The following PCDH9 variants were observed in gnomAD, a reference collection of about 807,000 sequenced individuals.
The protein encoded by PCDH9 is protocadherin-9.
Under a neutral mutation model 70.6 loss-of-function variants are expected in PCDH9, and 24 were observed. The ratio of observed to expected loss-of-function variants is 0.34; its 90% CI spans 0.25 to 0.48. The LOEUF is 0.48. PCDH9 is among the 20% of genes least tolerant of loss of function. The pLI is 0.99. For missense variants in PCDH9, 1,281 were observed against 1,503.6 expected (o/e 0.85, Z 2.45); for synonymous variants, 562 against 558.5 (o/e 1.01, Z -0.09).
intron 4 of PCDH9, among the ~76,000 whole-genome samples, chr13:66,540,965 T>C (rs886340857): frequency 5.3e-5 from 8 of 152,298 alleles, no homozygotes; most frequent in African/African-American, 9.6e-5. Flanking sequence ...GTTAACTTAT[T>C]GAACTTCACA....
chr13:66,801,042 AT>A (rs2080318955), intron 3 of PCDH9, among the ~76,000 whole-genome samples: 1 of 145,200 alleles, frequency 6.9e-6, no homozygotes, highest in Non-Finnish European at 1.5e-5. Flanking sequence ...CACAGCAAAT[AT>A]ATTGTTCTTA....
chr13:66,343,947 C>T (rs898067935), intron 4 of PCDH9, among the ~76,000 whole-genome samples: 1 of 152,146 alleles, frequency 6.6e-6, no homozygotes. Flanking sequence ...AGCTCTCACT[C>T]ATAATCTTTA....
intron 4 of PCDH9, among the ~76,000 whole-genome samples, chr13:66,576,543 T>C (rs2076817548): frequency 6.6e-6 from 1 of 152,084 alleles, no homozygotes. Context: ...AGCCAATGCT[T>C]CTTTTTTATT....
intron 4 of PCDH9, among the ~76,000 whole-genome samples, chr13:66,308,104 T>TA (rs1255871300): frequency 6.6e-6 from 1 of 152,046 alleles, no homozygotes; most frequent in Admixed American, 6.6e-5. Flanking sequence ...GAGAGGGAAG[T>TA]AAAAGGTGTC....
intron 4 of PCDH9, among the ~76,000 whole-genome samples, chr13:66,344,110 T>C (rs1593833067): frequency 1.3e-5 from 2 of 152,240 alleles, no homozygotes. Flanking sequence ...AAATATTGCA[T>C]ACTAATGAAA....
intron 4 of PCDH9, among the ~76,000 whole-genome samples, chr13:66,411,224 C>T (rs78190237): frequency 0.078 from 11,820 of 152,196 alleles, 540 homozygotes; most frequent in Middle Eastern, 0.11. Context: ...CACTTCTTTA[C>T]GCAGTGGCTT....
intron 2 of PCDH9, among the ~76,000 whole-genome samples, chr13:67,120,116 CT>C (rs1330115715): frequency 1.3e-5 from 2 of 151,094 alleles, no homozygotes; most frequent in African/African-American, 4.9e-5. Context: ...TTTCCCAAGC[CT>C]ATGTATGTTT....
At chr13:66,341,453 A>C (rs901947260) in intron 4 of PCDH9, among the ~76,000 whole-genome samples, 1 of 152,124 alleles carries the variant, frequency 6.6e-6, no homozygotes, top group Admixed American at 6.6e-5. Flanking sequence ...GGCTATGCAA[A>C]CTGTGCCACA....
At chr13:66,568,521 A>AT (rs2076684860) in intron 4 of PCDH9, among the ~76,000 whole-genome samples, 1 of 151,582 alleles carries the variant, frequency 6.6e-6, no homozygotes, top group African/African-American at 2.4e-5. Flanking sequence ...ACAAAAAAAA[A>AT]AAAAAGAAAG....
intron 3 of PCDH9, among the ~76,000 whole-genome samples, chr13:66,760,564 A>G (rs2079608836): frequency 6.6e-6 from 1 of 152,176 alleles, no homozygotes; most frequent in Non-Finnish European, 1.5e-5. Flanking sequence ...GGACCCTGTG[A>G]TGATTGTTAT....
intron 3 of PCDH9, among the ~76,000 whole-genome samples, chr13:66,831,044 T>C (rs61959203): frequency 0.093 from 14,147 of 152,230 alleles, 996 homozygotes; most frequent in East Asian, 0.32. Context: ...GTTTATATCA[T>C]AGCTTGTTAC....
intron 3 of PCDH9, among the ~76,000 whole-genome samples, chr13:66,758,609 T>A (rs1321388834): frequency 6.6e-6 from 1 of 152,016 alleles, no homozygotes; most frequent in Non-Finnish European, 1.5e-5. Flanking sequence ...TTGTCTGGTT[T>A]TAATATTAGA....
intron 3 of PCDH9, among the ~76,000 whole-genome samples, chr13:66,763,713 T>C (rs1046901663): frequency 2.0e-5 from 3 of 152,058 alleles, no homozygotes; most frequent in Non-Finnish European, 4.4e-5. Context: ...AGTTTATATT[T>C]CCAATGATTC....
intron 2 of PCDH9, among the ~76,000 whole-genome samples, chr13:66,965,147 C>T (rs1262324165): frequency 4.6e-5 from 7 of 151,964 alleles, no homozygotes; most frequent in Admixed American, 2.0e-4. Context: ...ATTTAAAACT[C>T]CAGCTTACCC....
At chr13:67,146,761 T>C (rs2087532437) in intron 2 of PCDH9, among the ~76,000 whole-genome samples, 2 of 152,170 alleles carry the variant, frequency 1.3e-5, no homozygotes, top group Admixed American at 6.5e-5. Context: ...ACTGGCAACT[T>C]CTTTCTCTTT....
intron 2 of PCDH9, among the ~76,000 whole-genome samples, chr13:67,002,349 T>C (rs1316576629): frequency 6.6e-6 from 1 of 152,048 alleles, no homozygotes; most frequent in African/African-American, 2.4e-5. Context: ...ATGGATACAA[T>C]GAAGTTCTCA....
At chr13:66,675,183 TGA>T (rs1397966106) in intron 3 of PCDH9, among the ~76,000 whole-genome samples, 2 of 152,090 alleles carry the variant, frequency 1.3e-5, no homozygotes, top group Non-Finnish European at 2.9e-5. Context: ...CAAATTTTTT[TGA>T]GTTTCAATTC....
In PCDH9 at chr13:66,303,907, C is replaced by A. The variant is rs964400371; in HGVS notation, c.*748G>T. The A allele has an allele frequency of 2.0e-5, 3 of 151,940 alleles. No homozygotes were observed. The highest frequency in any genetic ancestry group is 7.3e-5 in the African/African-American group (3 of 41,370). The allele number at this position is 151,940 out of a possible 1,614,324, so 9.4% of individuals were successfully genotyped here. On this transcript the variant is annotated 3_prime_UTR_variant, in exon 5 of 5. Transcript: ENST00000377865. ...TCATATGAGAAGCAAGATTTCAGAA[C>A]CTTTTTTAAACACAAGTGCTTGAGA...
chr13:66,898,280 C>T (rs955792335), intron 3 of PCDH9, among the ~76,000 whole-genome samples: 1 of 151,852 alleles, frequency 6.6e-6, no homozygotes, highest in African/African-American at 2.4e-5. Context: ...ATGTAAATAA[C>T]ATATATGTGT....
Sources: gnomAD v4.1 joint callset for allele counts (sites outside exome capture counted in the v4.1 genomes callset) on GRCh38, gnomAD v4.1.1 for gene constraint, MANE v1.5 for transcripts, NCBI Gene and HGNC (gene_info 2026-07-23, HGNC 2026-07-21) for gene names.